The following COG5 variants were observed in gnomAD, a reference collection of about 807,000 sequenced individuals.
COG5 encodes conserved oligomeric Golgi complex subunit 5.
A neutral mutation model predicts 110.4 loss-of-function variants in COG5; 86 were observed. The observed-to-expected ratio is 0.78, with a 90% CI of 0.65 to 0.93. The LOEUF is 0.93. Ranked by LOEUF, COG5 falls within the 40% of genes least tolerant of loss-of-function variation. The probability of loss-of-function intolerance (pLI) is 0.00; values close to 1 mark genes in which losing one functional copy is unlikely to be tolerated. For synonymous variants in COG5, 360 were observed against 334.6 expected (o/e 1.08, Z -0.83); for missense variants, 1,077 against 987.0 (o/e 1.09, Z -1.22).
chr7:107,266,948 C>T (rs963045060), intron 14 of COG5, among the ~76,000 whole-genome samples: 1 of 152,134 alleles, frequency 6.6e-6, no homozygotes, highest in Non-Finnish European at 1.5e-5. Flanking sequence ...TATAATTGAA[C>T]CACAGAACAG....
intron 6 of COG5, among the ~76,000 whole-genome samples, chr7:107,464,052 C>T (rs1384240876): frequency 6.6e-6 from 1 of 152,044 alleles, no homozygotes; most frequent in East Asian, 1.9e-4. Context: ...GGTTCCCTAC[C>T]ATATTTGGCT....
At chr7:107,548,485 T>C (rs916461249) in intron 3 of COG5, among the ~76,000 whole-genome samples, 153 bp from the exon 4 acceptor site, 25 of 152,160 alleles carry the variant, frequency 1.6e-4, no homozygotes, top group Admixed American at 1.4e-3. Flanking sequence ...CCCACACTGC[T>C]GTAAAAGCCT....
chr7:107,558,052 T>A lies in COG5; in HGVS notation c.158A>T (p.His53Leu). 6.2e-7 allele frequency: 1 copy of A among 1,614,046 alleles called. No homozygotes were observed. The highest frequency in any genetic ancestry group is 1.7e-5 in the Admixed American group (1 of 60,024). Residue 53 changes from histidine (H) to leucine (L), a missense_variant, in exon 2 of 22, where the codon CAT becomes CTT. By Grantham distance (99) the His-to-Leu change is moderately conservative. Transcript: ENST00000297135. ...TAGTTGTTCAGCAATTACAGCTTGA[T>A]GAATAGATTGAGAAGTATAAGTCTT... ...DVKTYTSQSIHQAVIAEQLAK... is the reference protein window; with the variant it reads ...DVKTYTSQSILQAVIAEQLAK...
intron 5 of COG5, among the ~76,000 whole-genome samples, chr7:107,538,803 G>A (rs1356772626): frequency 6.7e-6 from 1 of 149,286 alleles, no homozygotes; most frequent in Admixed American, 6.7e-5. Context: ...TTTGTTCTTA[G>A]CAGTCTACTC....
rs148418356 is a variant in COG5 at position 107,516,996 on chromosome 7, G to A, written c.538+10241C>T. On this transcript the variant is annotated intron_variant, in intron 6 of 21. Transcript: ENST00000297135. ...CTCCAGCAAGGGCGCAGAACTGGAC[G>A]GAGGATGAGATGAACTAATTGACAG... Among the ~76,000 whole-genome samples the A allele has an allele frequency of 2.7e-3, 405 of 152,298 alleles. 3 individuals carry two copies. The highest frequency in any genetic ancestry group is 8.4e-3 in the African/African-American group (349 of 41,554).
intron 6 of COG5, among the ~76,000 whole-genome samples, chr7:107,441,058 C>T (rs1303065644): frequency 1.3e-5 from 2 of 151,344 alleles, no homozygotes; most frequent in Non-Finnish European, 2.9e-5. Context: ...TCGAGACCAT[C>T]CTGTCTAACA....
chr7:107,271,738 T>C (rs899235558), intron 14 of COG5, among the ~76,000 whole-genome samples: 7 of 152,136 alleles, frequency 4.6e-5, no homozygotes, highest in African/African-American at 1.7e-4. Context: ...ATTTGATTGT[T>C]TTCTGCCTCA....
intron 7 of COG5, among the ~76,000 whole-genome samples, chr7:107,374,853 T>C (rs1233048188): frequency 6.6e-6 from 1 of 151,972 alleles, no homozygotes; most frequent in African/African-American, 2.4e-5. Context: ...ATTATGCCAG[T>C]AAAAAAACTG....
intron 11 of COG5, among the ~76,000 whole-genome samples, chr7:107,316,647 A>G (rs1327538266): frequency 7.6e-6 from 1 of 131,830 alleles, no homozygotes; most frequent in East Asian, 2.2e-4. Context: ...CTCAGTCTCT[A>G]CTAAAAATAC....
Position 107,288,937 on chromosome 7 carries a change from TA to T in COG5, c.1314-5206del, listed in dbSNP as rs1805910704. ...ATATATATATATATATATATATATA[TA>T]TATATATATATATATATATATATAT... On this transcript the variant is annotated intron_variant, in intron 12 of 21. Transcript: ENST00000297135. 1.7e-5 allele frequency among the ~76,000 whole-genome samples: 2 copies of T among 120,606 alleles called. 1 individual carries two copies. Among genetic ancestry groups the T allele is most frequent in the Non-Finnish European group, 3.3e-5 (2 of 60,286 alleles). The allele number at this position is 120,606 out of a possible 152,430, so 79.1% of individuals were successfully genotyped here.
At chr7:107,434,088 C>T (rs1293262944) in intron 6 of COG5, among the ~76,000 whole-genome samples, 1 of 152,006 alleles carries the variant, frequency 6.6e-6, no homozygotes, top group African/African-American at 2.4e-5. Context: ...TGGACAAATG[C>T]AAATCAAAAT....
intron 21 of COG5, chr7:107,209,252 G>C (rs1183458594): frequency 1.0e-6 from 1 of 984,990 alleles, no homozygotes; most frequent in African/African-American, 1.7e-5. Flanking sequence ...AACAGAGTGG[G>C]TTTGAGGAAT....
chr7:107,471,027 A>G (rs1314852429), intron 6 of COG5, among the ~76,000 whole-genome samples: 2 of 152,024 alleles, frequency 1.3e-5, no homozygotes, highest in African/African-American at 4.8e-5. Flanking sequence ...CAAAGAAGAA[A>G]TAACAGTATG....
chr7:107,286,860 A>G (rs531433565), intron 12 of COG5, among the ~76,000 whole-genome samples: 1 of 152,278 alleles, frequency 6.6e-6, no homozygotes, highest in African/African-American at 2.4e-5. Flanking sequence ...TCTTACACAG[A>G]TCTGATCGCT....
Position 107,484,894 on chromosome 7 carries a change from G to A in COG5, c.538+42343C>T, listed in dbSNP as rs545756490. 5.9e-5 allele frequency among the ~76,000 whole-genome samples: 9 copies of A among 151,822 alleles called. No homozygotes were observed. In the South Asian group the frequency reaches 1.9e-3, roughly 31 times the overall value. ...AATCATTTCGTAACACACCTAAGAG[G>A]TCAATCAGACTGTGTAGAAAGAGGA... On this transcript the variant is annotated intron_variant, in intron 6 of 21. Coordinates refer to ENST00000297135, the MANE Select transcript of COG5 (RefSeq NM_006348.5).
intron 6 of COG5, among the ~76,000 whole-genome samples, chr7:107,506,224 A>C (rs576261957): frequency 6.6e-6 from 1 of 152,298 alleles, no homozygotes; most frequent in South Asian, 2.1e-4. Flanking sequence ...GCCTCCAGCC[A>C]GGAAATGATG....
At chr7:107,396,881 GAAT>G (rs1489413535) in intron 7 of COG5, among the ~76,000 whole-genome samples, 1 of 151,898 alleles carries the variant, frequency 6.6e-6, no homozygotes, top group African/African-American at 2.4e-5. Context: ...TAGGAAAATG[GAAT>G]AATGACAAAT....
chr7:107,251,950 G>A (rs535667339), intron 16 of COG5, among the ~76,000 whole-genome samples: 1 of 151,994 alleles, frequency 6.6e-6, no homozygotes, highest in Admixed American at 6.6e-5. Context: ...AATTAACACA[G>A]TTGCTAAACT....
In COG5 at chr7:107,201,476, A is replaced by G; in HGVS notation, c.*2040T>C. 7.8e-7 allele frequency: 1 copy of G among 1,277,098 alleles called. No homozygotes were observed. The highest frequency in any genetic ancestry group is 1.1e-6 in the Non-Finnish European group (1 of 878,428). The allele number at this position is 1,277,098 out of a possible 1,614,324, so 79.1% of individuals were successfully genotyped here. Reference sequence around the variant, plus strand: ...TAAGTCTATATTTGCATATACATTGACTCTTGATGGAAAGACTTAAGAAGA... The same window carrying G: ...TAAGTCTATATTTGCATATACATTGGCTCTTGATGGAAAGACTTAAGAAGA... On this transcript the variant is annotated 3_prime_UTR_variant, in exon 22 of 22. Coordinates refer to ENST00000297135, the MANE Select transcript of COG5 (RefSeq NM_006348.5).
Sources: gnomAD v4.1 joint callset for allele counts (sites outside exome capture counted in the v4.1 genomes callset) on GRCh38, gnomAD v4.1.1 for gene constraint, MANE v1.5 for transcripts, NCBI Gene and HGNC (gene_info 2026-07-23, HGNC 2026-07-21) for gene names.